CUBN: variants seen among roughly 807,000 people sequenced by gnomAD.
CUBN encodes the protein 460 kDa receptor.
Under a neutral mutation model 405.3 loss-of-function variants are expected in CUBN, and 282 were observed. The observed-to-expected ratio is 0.70, with a 90% CI of 0.63 to 0.77. The LOEUF is 0.77. Among genes scored for constraint, CUBN ranks in the 30% least tolerant of loss-of-function variants. The pLI is 0.00. For missense variants in CUBN, 4,514 were observed against 4,475.2 expected, an observed-to-expected ratio of 1.01 and a Z score of -0.25; for synonymous variants, 1,684 against 1,617.0, an observed-to-expected ratio of 1.04 and a Z score of -0.99.
Position 17,129,116 on chromosome 10 carries a change from A to C in CUBN, c.252+5T>G, listed in dbSNP as rs1464872641. 2 of 1,609,684 alleles carry C rather than the reference A, an allele frequency of 1.2e-6. No individual in the cohort carries two copies. The highest frequency in any genetic ancestry group is 3.3e-4 in the Middle Eastern group (2 of 6,052). On this transcript the variant is annotated splice_donor_5th_base_variant and intron_variant, in intron 2 of 66. Coordinates refer to ENST00000377833, the MANE Select transcript of CUBN (RefSeq NM_001081.4). ...AATGACTTCAATATATTTCCAGTGT[A>C]TTACCTGATGTAAACACTCACTGAG...
At position 17,105,481 on chromosome 10, in the gene CUBN, G is replaced by T; in HGVS notation, c.1206C>A (p.His402Gln). 1 of 1,604,234 alleles carries T rather than the reference G, an allele frequency of 6.2e-7. No individual in the cohort carries two copies. The highest frequency in any genetic ancestry group is 8.5e-7 in the Non-Finnish European group (1 of 1,170,804). Residue 402 changes from histidine (H) to glutamine (Q), a missense_variant, in exon 11 of 67, where the codon CAC (histidine) becomes CAA (glutamine). Physicochemically the swap from His to Gln is conservative, Grantham distance 24. Transcript: ENST00000377833. ...CVQLSNICLS[H>Q]PCLNGQCIDT... ...CGATGCATTGTCCATTTAGACAGGGGTGACTTAGGCAAATATTACTGAGCT... is the reference window on the plus strand; with the variant it reads ...CGATGCATTGTCCATTTAGACAGGGTTGACTTAGGCAAATATTACTGAGCT...
chr10:16,992,762 A>G (rs2131721866), intron 28 of CUBN, among the ~76,000 whole-genome samples: 1 of 152,320 alleles, frequency 6.6e-6, no homozygotes, highest in African/African-American at 2.4e-5. Context: ...GCACAGAGCA[A>G]TATCTTTCCT....
intron 56 of CUBN, among the ~76,000 whole-genome samples, chr10:16,885,737 C>T (rs973979805): frequency 3.3e-5 from 5 of 152,138 alleles, no homozygotes; most frequent in Non-Finnish European, 7.3e-5. Context: ...CTTTCTGTGG[C>T]TTTATAGTAC....
At chr10:16,885,366 G>C (rs1486212021) in intron 56 of CUBN, among the ~76,000 whole-genome samples, 1 of 152,084 alleles carries the variant, frequency 6.6e-6, no homozygotes, top group Admixed American at 6.6e-5. Context: ...AGTGAGGATT[G>C]GCAAATCCAT....
chr10:17,124,492 G>C (rs12260253), intron 4 of CUBN, among the ~76,000 whole-genome samples: 1 of 150,934 alleles, frequency 6.6e-6, no homozygotes. Context: ...GCAGTGGCGC[G>C]ATCTCCGCTC....
intron 31 of CUBN, chr10:16,966,117 T>C (rs566259963): frequency 1.5e-5 from 6 of 398,960 alleles, no homozygotes; most frequent in African/African-American, 1.1e-4. Context: ...GAGTCCCCCA[T>C]CCTTTGCATC....
At chr10:17,070,383 C>T (rs1242760744) in intron 19 of CUBN, among the ~76,000 whole-genome samples, 3 of 152,014 alleles carry the variant, frequency 2.0e-5, no homozygotes, top group Non-Finnish European at 4.4e-5. Flanking sequence ...TTACGATCAG[C>T]TTATGTATTT....
chr10:16,969,978 C>T (rs898067995), intron 31 of CUBN, among the ~76,000 whole-genome samples: 9 of 152,186 alleles, frequency 5.9e-5, no homozygotes, highest in African/African-American at 2.2e-4. Flanking sequence ...CCCACAAATG[C>T]AACTCCTAAC....
chr10:16,836,361 G>A lies in CUBN; in HGVS notation c.10054C>T (p.Gln3352Ter). 1 of 1,614,122 alleles carries A rather than the reference G, an allele frequency of 6.2e-7. No individual in the cohort carries two copies. Residue 3352 changes from glutamine to a stop codon, truncating the protein, a stop_gained, in exon 63 of 67, where the codon CAG becomes TAG. Coordinates refer to ENST00000377833, the MANE Select transcript of CUBN (RefSeq NM_001081.4). LOFTEE classifies it high-confidence loss of function. ...SPQGHGNSRF[Q>*]FCGRNASAVP... is the part of the protein sequence containing the mutation. ...GCCGAAGCATTTCTGCCACAGAACT[G>A]AAATCTTGAATTTCCGTGACCCTGA...
At chr10:17,100,484 C>A (rs1380545209) in intron 13 of CUBN, among the ~76,000 whole-genome samples, 1 of 152,122 alleles carries the variant, frequency 6.6e-6, no homozygotes, top group South Asian at 2.1e-4. Flanking sequence ...CATAGATTTA[C>A]CCCAATTTCA....
intron 22 of CUBN, among the ~76,000 whole-genome samples, chr10:17,059,738 T>C (rs1835462980): frequency 6.6e-6 from 1 of 152,224 alleles, no homozygotes; most frequent in Non-Finnish European, 1.5e-5. Context: ...AACATTTTGC[T>C]ACAATTTTCT....
chr10:17,108,551 C>G (rs1836692722), intron 10 of CUBN, among the ~76,000 whole-genome samples: 2 of 151,910 alleles, frequency 1.3e-5, no homozygotes, highest in South Asian at 4.2e-4. Flanking sequence ...AAATACCAAG[C>G]CAGATCTCTA....
chr10:17,104,936 G>A (rs907068128), intron 11 of CUBN, among the ~76,000 whole-genome samples: 1 of 151,122 alleles, frequency 6.6e-6, no homozygotes, highest in Non-Finnish European at 1.5e-5. Context: ...AGCCTCCTGA[G>A]TAGCTGGGAT....
intron 45 of CUBN, among the ~76,000 whole-genome samples, chr10:16,916,933 C>A (rs1645010373): frequency 6.6e-6 from 1 of 151,690 alleles, no homozygotes; most frequent in African/African-American, 2.4e-5. Flanking sequence ...TCTGCCTCAG[C>A]CTCCTGAGTA....
chr10:16,956,036 C>T lies in CUBN; in HGVS notation c.4696-1488G>A, dbSNP rs555761355. 9.9e-5 allele frequency among the ~76,000 whole-genome samples: 15 copies of T among 152,180 alleles called. No individual in the cohort carries two copies. In the South Asian group the frequency reaches 1.7e-3, roughly 17 times the overall value. ...ATCTTGGGGAAAAAAATAGAAAGTT[C>T]GGAGATTCAATGTAAGGAAGTTACT... On this transcript the variant is annotated intron_variant, in intron 31 of 66. Transcript: ENST00000377833.
At chr10:17,070,366 A>C (rs1237492896) in intron 19 of CUBN, among the ~76,000 whole-genome samples, 1 of 152,190 alleles carries the variant, frequency 6.6e-6, no homozygotes, top group Non-Finnish European at 1.5e-5. Context: ...GCATATTCAT[A>C]TGAATTTTAC....
At chr10:16,836,025 G>A (rs1839157694) in intron 63 of CUBN, among the ~76,000 whole-genome samples, 1 of 152,074 alleles carries the variant, frequency 6.6e-6, no homozygotes, top group Admixed American at 6.6e-5. Flanking sequence ...TAACCATCCT[G>A]GATAGTATTA....
At chr10:16,944,703 C>T (rs1008592648) in intron 36 of CUBN, among the ~76,000 whole-genome samples, 2 of 152,036 alleles carry the variant, frequency 1.3e-5, no homozygotes, top group Admixed American at 6.6e-5. Flanking sequence ...TTCTTACAGG[C>T]GAGAAAGGAA....
chr10:17,008,238 G>GGT (rs55936618), intron 28 of CUBN, among the ~76,000 whole-genome samples: 1,511 of 80,826 alleles, frequency 0.019, 17 homozygotes, highest in African/African-American at 0.04. Context: ...GCCCGTGTGT[G>GGT]GTGTGTGTGT....
Sources: allele counts gnomAD v4.1 joint callset (sites outside exome capture counted in the v4.1 genomes callset), GRCh38; gene constraint gnomAD v4.1.1; transcripts MANE v1.5; gene names NCBI Gene and HGNC (gene_info 2026-07-23, HGNC 2026-07-21).